The following LRAT variants were observed in gnomAD, a reference collection of about 807,000 sequenced individuals.
LRAT encodes lecithin retinol acyltransferase (phosphatidylcholine--retinol O-acyltransferase).
A neutral mutation model predicts 14.2 loss-of-function variants in LRAT; 11 were observed. The ratio of observed to expected loss-of-function variants is 0.78; its 90% CI spans 0.49 to 1.29. The LOEUF is 1.29. Ranked by LOEUF, LRAT falls within the 50% of genes most tolerant of loss-of-function variation. The pLI is 0.00. For synonymous variants in LRAT, 144 were observed against 124.8 expected (o/e 1.15, Z -1.03); for missense variants, 274 against 292.4 (o/e 0.94, Z 0.46).
chr4:154,744,933 C>A, intron 2 of LRAT, 67 bp downstream of exon 2: 1 of 1,512,392 alleles, frequency 6.6e-7, no homozygotes, highest in Admixed American at 1.7e-5. Context: ...CTGACCTTTT[C>A]TCTTCCCCGC....
chr4:154,744,938 C>T, intron 2 of LRAT, 72 bp downstream of exon 2: 1 of 1,472,194 alleles, frequency 6.8e-7, no homozygotes, highest in Non-Finnish European at 9.4e-7. Flanking sequence ...CTTTTCTCTT[C>T]CCCGCGAGTA....
At position 154,744,313 on chromosome 4, in the gene LRAT, C is replaced by T. The variant is rs1250018341; in HGVS notation, c.-1-13C>T. The T allele has an allele frequency of 6.2e-7, 1 of 1,613,742 alleles. No individual in the cohort carries two copies. The highest frequency in any genetic ancestry group is 1.3e-5 in the African/African-American group (1 of 74,948). Reference sequence around the variant, plus strand: ...GGCACCGGCACCTCTCCAAGACGCCCTCTTCCCTGCAGGATGAAGAACCCC... The same window carrying T: ...GGCACCGGCACCTCTCCAAGACGCCTTCTTCCCTGCAGGATGAAGAACCCC... On this transcript the variant is annotated splice_polypyrimidine_tract_variant and intron_variant, in intron 1 of 2. Coordinates refer to ENST00000336356, the MANE Select transcript of LRAT (RefSeq NM_004744.5).
In LRAT at chr4:154,750,702, T is replaced by C. The variant is rs1009458802; in HGVS notation, c.*1566T>C. On this transcript the variant is annotated 3_prime_UTR_variant, in exon 3 of 3. Coordinates refer to ENST00000336356, the MANE Select transcript of LRAT (RefSeq NM_004744.5). ...CATTAAATGGCAACACCATAGAATA[T>C]AGGTGTTCTCTGGACCTATTCTAAC... 2.0e-4 allele frequency: 30 copies of C among 152,250 alleles called. No homozygotes were observed. The highest frequency in any genetic ancestry group is 6.3e-4 in the African/African-American group (26 of 41,576). 9.4% of individuals were successfully genotyped at this position (152,250 alleles called of 1,614,324 possible).
Position 154,748,464 on chromosome 4 carries a change from G to A in LRAT, c.541-520G>A, listed in dbSNP as rs572845931. 1.5e-4 allele frequency: 132 copies of A among 856,208 alleles called. No individual in the cohort carries two copies. In the Middle Eastern group the frequency reaches 1.8e-3, roughly 11 times the overall value. 53.0% of individuals were successfully genotyped at this position (856,208 alleles called of 1,614,324 possible). A position where few individuals can be genotyped will look rare whatever the true frequency, so the allele number is the denominator to read the frequency against. On this transcript the variant is annotated intron_variant, in intron 2 of 2. Transcript: ENST00000336356. ...ATTGATCCTGAATTTAGCATATTTA[G>A]TCAGGAAATGGGATTTGACAATAAA...
At chr4:154,747,211 G>T (rs968990323) in intron 2 of LRAT, among the ~76,000 whole-genome samples, 2 of 152,086 alleles carry the variant, frequency 1.3e-5, no homozygotes, top group African/African-American at 4.8e-5. Flanking sequence ...GCAAATGAAT[G>T]AACTGGAAAA....
intron 2 of LRAT, among the ~76,000 whole-genome samples, chr4:154,746,867 G>A (rs1158067500): frequency 6.6e-6 from 1 of 152,080 alleles, no homozygotes; most frequent in African/African-American, 2.4e-5. Flanking sequence ...TTGTGAAACT[G>A]AGTTTTGTCT....
At chr4:154,748,884 TAGAC>T in intron 2 of LRAT, 96 bp from the exon 3 acceptor site, 2 of 1,145,770 alleles carry the variant, frequency 1.7e-6, no homozygotes, top group Non-Finnish European at 2.6e-6. Context: ...GTTCTTCTGG[TAGAC>T]AGAAAATAGC....
chr4:154,749,417 G>C lies in LRAT; in HGVS notation c.*281G>C, dbSNP rs181953559. 28 of 420,130 alleles carry C rather than the reference G, an allele frequency of 6.7e-5. No homozygotes were observed. The highest frequency in any genetic ancestry group is 1.2e-4 in the South Asian group (5 of 42,128). The allele number at this position is 420,130 out of a possible 1,614,324, so 26.0% of individuals were successfully genotyped here. A position where few individuals can be genotyped will look rare whatever the true frequency, so the allele number is the denominator to read the frequency against. Reference sequence around the variant, plus strand: ...ATATGAGAAAACCAGCCCCTAAAATGATAGCCACAAGAGATTAATTGTGTT... The same window carrying C: ...ATATGAGAAAACCAGCCCCTAAAATCATAGCCACAAGAGATTAATTGTGTT... On this transcript the variant is annotated 3_prime_UTR_variant, in exon 3 of 3. Transcript: ENST00000336356.
At chr4:154,745,176 G>A (rs530696697) in intron 2 of LRAT, among the ~76,000 whole-genome samples, 1 of 151,528 alleles carries the variant, frequency 6.6e-6, no homozygotes, top group Admixed American at 6.6e-5. Flanking sequence ...CCGCCACCAC[G>A]CCCGGCTAAT....
Position 154,750,872 on chromosome 4 carries a change from T to C in LRAT, c.*1736T>C, listed in dbSNP as rs1169080657. On this transcript the variant is annotated 3_prime_UTR_variant, in exon 3 of 3. Transcript: ENST00000336356. ...TTAAAAATATAGTGTCCTCAAATAA[T>C]TAATTTTTTTGCAAACTTTAGTTAT... 6.6e-6 allele frequency: 1 copy of C among 152,156 alleles called. No individual in the cohort carries two copies. Among genetic ancestry groups the C allele is most frequent in the Non-Finnish European group, 1.5e-5 (1 of 68,020 alleles). 9.4% of individuals were successfully genotyped at this position (152,156 alleles called of 1,614,324 possible).
rs989931191 is a variant in LRAT at position 154,753,049 on chromosome 4, C to T, written c.*3913C>T. 3.9e-5 allele frequency: 6 copies of T among 152,158 alleles called. No homozygotes were observed. The highest frequency in any genetic ancestry group is 1.3e-4 in the Admixed American group (2 of 15,282). 9.4% of individuals were successfully genotyped at this position (152,158 alleles called of 1,614,324 possible). ...TGATCTATTTAGAGTTTTAACCAAC[C>T]TAGATCTGTCAGCTAAGCTAATTTT... On this transcript the variant is annotated 3_prime_UTR_variant, in exon 3 of 3. Transcript: ENST00000336356.
upstream of LRAT, among the ~76,000 whole-genome samples, chr4:154,743,696 C>A (rs1441484560): frequency 6.6e-6 from 1 of 152,056 alleles, no homozygotes; most frequent in Non-Finnish European, 1.5e-5. Flanking sequence ...GCCAGGAACT[C>A]GCCCCAGTCC....
In LRAT at chr4:154,744,444, T is replaced by G; in HGVS notation, c.118T>G (p.Tyr40Asp). 6.2e-7 allele frequency: 1 copy of G among 1,614,094 alleles called. No individual in the cohort carries two copies. The highest frequency in any genetic ancestry group is 8.5e-7 in the Non-Finnish European group (1 of 1,180,022). The stretch of plus-strand genomic sequence containing the variant: ...CGAAGACAAAGGGAGGAACAGTTTT[T>G]ATGAAACCAGCTCTTTCCACCGAGG... ...AGEDKGRNSF[Y>D]ETSSFHRGDV... The change falls in exon 2 of 3, where the codon TAT becomes GAT. Residue 40 changes from tyrosine (Y) to aspartate (D), a missense_variant. Coordinates refer to ENST00000336356, the MANE Select transcript of LRAT (RefSeq NM_004744.5).
rs1399969888 is a variant in LRAT at position 154,750,795 on chromosome 4, T to TA, written c.*1659_*1660insA. The stretch of plus-strand genomic sequence containing the variant: ...TATGAGAACTACCGTGTTAGTGGTT[T>TA]TTCACTTACTGTATATTACCCTTGT... On this transcript the variant is annotated 3_prime_UTR_variant, in exon 3 of 3. Transcript: ENST00000336356. The TA allele has an allele frequency of 6.6e-6, 1 of 152,194 alleles. No individual in the cohort carries two copies. The highest frequency in any genetic ancestry group is 2.4e-5 in the African/African-American group (1 of 41,444). 9.4% of individuals were successfully genotyped at this position (152,194 alleles called of 1,614,324 possible).
In LRAT at chr4:154,749,169, T is replaced by C. The variant is rs1161969452; in HGVS notation, c.*33T>C. 1.9e-6 allele frequency: 3 copies of C among 1,590,514 alleles called. No individual in the cohort carries two copies. Among genetic ancestry groups the C allele is most frequent in the Middle Eastern group, 1.7e-4 (1 of 6,030 alleles). Reference sequence around the variant, plus strand: ...CCCCCATGTCAGTGTGTGTATTCTGTATGTAAATATGTTTATATTTATAGA... The same window carrying C: ...CCCCCATGTCAGTGTGTGTATTCTGCATGTAAATATGTTTATATTTATAGA... On this transcript the variant is annotated 3_prime_UTR_variant, in exon 3 of 3. Coordinates refer to ENST00000336356, the MANE Select transcript of LRAT (RefSeq NM_004744.5).
Position 154,751,690 on chromosome 4 carries a change from C to G in LRAT, c.*2554C>G, listed in dbSNP as rs140038892. On this transcript the variant is annotated 3_prime_UTR_variant, in exon 3 of 3. Coordinates refer to ENST00000336356, the MANE Select transcript of LRAT (RefSeq NM_004744.5). ...CGGAGCTTGCAGTGAGTGGAAATTGCGCCACTGCACTCCAGCCTGGGCAAC... is the reference window on the plus strand; with the variant it reads ...CGGAGCTTGCAGTGAGTGGAAATTGGGCCACTGCACTCCAGCCTGGGCAAC... 2 of 133,020 alleles carry G rather than the reference C, an allele frequency of 1.5e-5. No individual in the cohort carries two copies. Among genetic ancestry groups the G allele is most frequent in the South Asian group, 5.1e-4 (2 of 3,954 alleles). 8.2% of individuals were successfully genotyped at this position (133,020 alleles called of 1,614,324 possible).
Position 154,744,227 on chromosome 4 carries a change from G to A in LRAT, c.-2+5G>A. 8 of 1,257,814 alleles carry A rather than the reference G, an allele frequency of 6.4e-6. No individual in the cohort carries two copies. The highest frequency in any genetic ancestry group is 5.1e-5 in the Admixed American group (3 of 59,076). 77.9% of individuals were successfully genotyped at this position (1,257,814 alleles called of 1,614,324 possible). On this transcript the variant is annotated splice_donor_5th_base_variant and intron_variant, in intron 1 of 2. Transcript: ENST00000336356. ...CGTACCTCACCTGGCCTGCAGGTGA[G>A]CAGCAGCGCAGCACCCCTGCCCGGC... is the stretch of plus-strand genomic sequence containing the variant.
rs781599494 is a variant in LRAT, at chr4:154,744,312, C to T, written c.-1-14C>T. 1 of 1,613,870 alleles carries T rather than the reference C, an allele frequency of 6.2e-7. No homozygotes were observed. Among genetic ancestry groups the T allele is most frequent in the South Asian group, 1.1e-5 (1 of 91,078 alleles). Reference sequence around the variant, plus strand: ...TGGCACCGGCACCTCTCCAAGACGCCCTCTTCCCTGCAGGATGAAGAACCC... The same window carrying T: ...TGGCACCGGCACCTCTCCAAGACGCTCTCTTCCCTGCAGGATGAAGAACCC... On this transcript the variant is annotated splice_polypyrimidine_tract_variant and intron_variant, in intron 1 of 2. Transcript: ENST00000336356.
Position 154,744,562 on chromosome 4 carries a change from T to C in LRAT, c.236T>C (p.Leu79Ser). 6.2e-7 allele frequency: 1 copy of C among 1,614,196 alleles called. No homozygotes were observed. Among genetic ancestry groups the C allele is most frequent in the Non-Finnish European group, 8.5e-7 (1 of 1,180,032 alleles). Residue 79 changes from leucine to serine, a missense_variant, in exon 2 of 3, where the codon TTG becomes TCG. Coordinates refer to ENST00000336356, the MANE Select transcript of LRAT (RefSeq NM_004744.5). ...GCCCACATGATGCCCGACATCCTGT[T>C]GGCCCTGACAGACGACATGGGGCGC... is the stretch of plus-strand genomic sequence containing the variant. ...RVAHMMPDIL[L>S]ALTDDMGRTQ...
Sources: gnomAD v4.1 joint callset for allele counts (sites outside exome capture counted in the v4.1 genomes callset) on GRCh38, gnomAD v4.1.1 for gene constraint, MANE v1.5 for transcripts, NCBI Gene and HGNC (gene_info 2026-07-23, HGNC 2026-07-21) for gene names.